AKR1D1: variants seen among roughly 807,000 people sequenced by gnomAD.
The protein encoded by AKR1D1 is delta(4)-3-ketosteroid 5-beta-reductase.
A neutral mutation model predicts 42.6 loss-of-function variants in AKR1D1; 32 were observed. The observed-to-expected ratio is 0.75, with a 90% CI of 0.57 to 1.01. The LOEUF is 1.01. AKR1D1 is among the 50% of genes least tolerant of loss of function. AKR1D1 has a pLI of 0.00. For missense variants in AKR1D1, 364 were observed against 402.2 expected (o/e 0.91, Z 0.81); for synonymous variants, 123 against 135.5 (o/e 0.91, Z 0.64).
In AKR1D1 at chr7:138,085,821, T is replaced by C. The variant is rs78670907; in HGVS notation, c.94-2780T>C. ...AATCTTCAAAAATACAAGCACCTAC[T>C]TTAATACGCATTTGTCTGGGGCTCC... is the stretch of plus-strand genomic sequence containing the variant. On this transcript the variant is annotated intron_variant, in intron 1 of 8. Transcript: ENST00000242375. Among the ~76,000 whole-genome samples, 335 of 152,232 alleles carry C rather than the reference T, an allele frequency of 2.2e-3. 1 individual carries two copies. The highest frequency in any genetic ancestry group is 7.9e-3 in the African/African-American group (327 of 41,542).
chr7:138,079,181 G>A (rs2117409462), intron 1 of AKR1D1, among the ~76,000 whole-genome samples: 1 of 152,038 alleles, frequency 6.6e-6, no homozygotes, highest in East Asian at 1.9e-4. Context: ...CCCCTTTTCT[G>A]ATCACCCAGG....
At chr7:138,079,652 G>A (rs921438552) in intron 1 of AKR1D1, among the ~76,000 whole-genome samples, 2 of 152,196 alleles carry the variant, frequency 1.3e-5, no homozygotes, top group Non-Finnish European at 2.9e-5. Context: ...GATTTTGGAT[G>A]ACATCTGGAT....
intron 3 of AKR1D1, among the ~76,000 whole-genome samples, chr7:138,093,856 A>G (rs1380446719): frequency 6.6e-6 from 1 of 152,226 alleles, no homozygotes; most frequent in Non-Finnish European, 1.5e-5. Flanking sequence ...TTACACCAGC[A>G]ACACCACAAA....
chr7:138,085,431 T>C (rs111858730), intron 1 of AKR1D1, among the ~76,000 whole-genome samples: 4,669 of 146,814 alleles, frequency 0.032, 188 homozygotes, highest in South Asian at 0.15. Context: ...ACTTTCTTTC[T>C]TTTTCTTTTC....
chr7:138,112,370 A>G (rs1358042193), intron 7 of AKR1D1, among the ~76,000 whole-genome samples: 1 of 152,236 alleles, frequency 6.6e-6, no homozygotes, highest in East Asian at 1.9e-4. Flanking sequence ...TGAAAAGAGT[A>G]CTTGGAAAGA....
chr7:138,098,125 T>G (rs1794220528), intron 4 of AKR1D1, 182 bp downstream of exon 4: 2 of 566,422 alleles, frequency 3.5e-6, no homozygotes. Context: ...TACTAAATAA[T>G]TCTTACTTTT....
intron 1 of AKR1D1, among the ~76,000 whole-genome samples, chr7:138,084,973 T>C (rs758569067): frequency 7.1e-6 from 1 of 141,198 alleles, no homozygotes; most frequent in Non-Finnish European, 1.5e-5. Flanking sequence ...GGAGAATCGC[T>C]TGAACCCGGG....
At chr7:138,107,208 C>T (rs1445401990) in intron 6 of AKR1D1, 3 of 739,134 alleles carry the variant, frequency 4.1e-6, no homozygotes, top group Non-Finnish European at 5.0e-6. Flanking sequence ...GGAGGCAGCT[C>T]CATAAACTTG....
intron 4 of AKR1D1, chr7:138,098,169 G>A (rs559551165): frequency 3.9e-6 from 2 of 507,466 alleles, no homozygotes; most frequent in East Asian, 3.1e-5. Context: ...AGAGAGAGGG[G>A]TGGAAGGAAA....
intron 1 of AKR1D1, among the ~76,000 whole-genome samples, chr7:138,088,381 G>A (rs1282820793): frequency 3.3e-5 from 5 of 152,116 alleles, no homozygotes; most frequent in Non-Finnish European, 5.9e-5. Flanking sequence ...GAAGCTGAGG[G>A]CAGACCTGGG....
intron 4 of AKR1D1, among the ~76,000 whole-genome samples, chr7:138,103,450 A>G (rs1470400459): frequency 6.6e-6 from 1 of 152,200 alleles, no homozygotes; most frequent in African/African-American, 2.4e-5. Context: ...TAAAAGTAAT[A>G]AAGAGTTAAG....
intron 1 of AKR1D1, among the ~76,000 whole-genome samples, chr7:138,086,062 G>A (rs1803169413): frequency 1.3e-5 from 2 of 152,038 alleles, no homozygotes; most frequent in African/African-American, 4.8e-5. Context: ...TGTATGCCAG[G>A]CATGGTGGCA....
At chr7:138,108,562 T>C (rs372744455) in intron 7 of AKR1D1, among the ~76,000 whole-genome samples, 3 of 152,308 alleles carry the variant, frequency 2.0e-5, no homozygotes, top group South Asian at 2.1e-4. Flanking sequence ...CAAATGTACA[T>C]GTTACATGAT....
At chr7:138,100,141 T>C (rs1794267266) in intron 4 of AKR1D1, among the ~76,000 whole-genome samples, 1 of 107,214 alleles carries the variant, frequency 9.3e-6, no homozygotes, top group Admixed American at 9.2e-5. Flanking sequence ...ATGTTAAAAC[T>C]TCCAGAGCAT....
intron 1 of AKR1D1, among the ~76,000 whole-genome samples, chr7:138,085,446 C>CTTTATTTT (rs1803153047): frequency 7.7e-6 from 1 of 129,802 alleles, no homozygotes; most frequent in Non-Finnish European, 1.6e-5. Flanking sequence ...CTTTTCTTTC[C>CTTTATTTT]TTTTTTTTTT....
chr7:138,087,404 G>A (rs746653001), intron 1 of AKR1D1, among the ~76,000 whole-genome samples: 11 of 152,164 alleles, frequency 7.2e-5, no homozygotes, highest in Non-Finnish European at 1.6e-4. Context: ...TCAGTGTTCA[G>A]GGAACAGGAT....
At chr7:138,103,275 A>G (rs370621286) in intron 4 of AKR1D1, among the ~76,000 whole-genome samples, 3 of 151,436 alleles carry the variant, frequency 2.0e-5, no homozygotes, top group African/African-American at 7.2e-5. Context: ...TTAAACTTAA[A>G]GTGTGTATTA....
chr7:138,080,016 T>C (rs1237292385), intron 1 of AKR1D1, among the ~76,000 whole-genome samples: 1 of 152,106 alleles, frequency 6.6e-6, no homozygotes, highest in African/African-American at 2.4e-5. Context: ...AAGTCTGGAG[T>C]TCTGCTGAGC....
chr7:138,099,911 G>A (rs1275844839), intron 4 of AKR1D1, among the ~76,000 whole-genome samples: 1 of 146,282 alleles, frequency 6.8e-6, no homozygotes, highest in South Asian at 2.1e-4. Flanking sequence ...GGACCATGGA[G>A]CACAAAAGAG....
Sources: gnomAD v4.1 joint callset for allele counts (sites outside exome capture counted in the v4.1 genomes callset) on GRCh38, gnomAD v4.1.1 for gene constraint, MANE v1.5 for transcripts, NCBI Gene and HGNC (gene_info 2026-07-23, HGNC 2026-07-21) for gene names.